The following KCNC3 variants were observed in gnomAD, a reference collection of about 807,000 sequenced individuals.
KCNC3 encodes the protein potassium voltage-gated channel subfamily C member 3, also known as voltage-gated potassium channel KCNC3.
KCNC3 carries 22 observed loss-of-function variants against 43.9 expected under a neutral mutation model. The observed-to-expected ratio is 0.50, with a 90% CI of 0.36 to 0.72. The LOEUF (loss-of-function observed/expected upper bound fraction) is 0.72. Among genes scored for constraint, KCNC3 ranks in the 30% least tolerant of loss-of-function variants. KCNC3 has a pLI of 0.00. For missense variants in KCNC3, 829 were observed against 1,073.8 expected (o/e 0.77, Z 3.19); for synonymous variants, 492 against 488.0 (o/e 1.01, Z -0.11).
rs746696640 is a variant in KCNC3 at position 50,323,210 on chromosome 19, C to T, written c.1743G>A (p.Pro581=). ...CGTGGTGCGGGTGGGGCGGGGGTGG[C>T]GGGGGTGGGTCAGGCTTGCAGTAGT... ...SPNYCKPDPP[P]PPPPHPHHGS... Residue 581 remains proline, a synonymous_variant, in exon 2 of 5, where the codon CCG becomes CCA. Coordinates refer to ENST00000477616, the MANE Select transcript of KCNC3 (RefSeq NM_004977.3). The T allele has an allele frequency of 3.8e-5, 40 of 1,054,924 alleles. No homozygotes were observed. The highest frequency in any genetic ancestry group is 2.8e-5 in the Non-Finnish European group (20 of 710,400). The allele number at this position is 1,054,924 out of a possible 1,614,324, so 65.3% of individuals were successfully genotyped here. A position where few individuals can be genotyped will look rare whatever the true frequency, so the allele number is the denominator to read the frequency against.
At chr19:50,320,912 A>C in intron 2 of KCNC3, 128 bp from the exon 3 acceptor site, 1 of 798,700 alleles carries the variant, frequency 1.3e-6, no homozygotes, top group South Asian at 1.6e-5. Context: ...CTGGAAGTGG[A>C]GATTCAAGGG....
Position 50,313,910 on chromosome 19 carries a change from C to G in KCNC3, c.*2205G>C, listed in dbSNP as rs2036911089. 6.6e-6 allele frequency: 1 copy of G among 151,906 alleles called. No individual in the cohort carries two copies. The highest frequency in any genetic ancestry group is 6.6e-5 in the Admixed American group (1 of 15,226). 9.4% of individuals were successfully genotyped at this position (151,906 alleles called of 1,614,324 possible). ...GGGTGGTTCAGGGAGCCTCTGTGTG[C>G]AGAGGTTAAGTCGCAGGAGTGTGTG... On this transcript the variant is annotated 3_prime_UTR_variant, in exon 5 of 5. Coordinates refer to ENST00000477616, the MANE Select transcript of KCNC3 (RefSeq NM_004977.3).
Position 50,315,729 on chromosome 19 carries a change from G to C in KCNC3, c.*386C>G, listed in dbSNP as rs1264556140. 1 of 152,410 alleles carries C rather than the reference G, an allele frequency of 6.6e-6. No homozygotes were observed. Among genetic ancestry groups the C allele is most frequent in the Non-Finnish European group, 1.5e-5 (1 of 68,730 alleles). The allele number at this position is 152,410 out of a possible 1,614,324, so 9.4% of individuals were successfully genotyped here. The stretch of plus-strand genomic sequence containing the variant: ...TGGGGGGCGGTGAGGCGGAGGGCTG[G>C]GGAGAGGGACATCTTTAAAGGGTCC... On this transcript the variant is annotated 3_prime_UTR_variant, in exon 5 of 5. Coordinates refer to ENST00000477616, the MANE Select transcript of KCNC3 (RefSeq NM_004977.3).
At chr19:50,330,024 T>A (rs1367001598), upstream of KCNC3, among the ~76,000 whole-genome samples, 1 of 152,140 alleles carries the variant, frequency 6.6e-6, no homozygotes, top group Non-Finnish European at 1.5e-5. Context: ...GCCAGCACTT[T>A]GCGAGGCTGA....
rs1211556051 is a variant in KCNC3, at chr19:50,312,489, G to A, written c.*3626C>T. The A allele has an allele frequency of 6.6e-6, 1 of 152,274 alleles. No homozygotes were observed. The highest frequency in any genetic ancestry group is 1.5e-5 in the Non-Finnish European group (1 of 68,092). The allele number at this position is 152,274 out of a possible 1,614,324, so 9.4% of individuals were successfully genotyped here. On this transcript the variant is annotated 3_prime_UTR_variant, in exon 5 of 5. Transcript: ENST00000477616. The stretch of plus-strand genomic sequence containing the variant: ...CATGCGTGTAGGTGCAGGCACCCTG[G>A]CGGCCGGGGGGAAAAGGGGGAGCCG...
At chr19:50,321,842 T>G (rs1601096683) in intron 2 of KCNC3, among the ~76,000 whole-genome samples, 2 of 143,182 alleles carry the variant, frequency 1.4e-5, no homozygotes, top group African/African-American at 2.6e-5. Flanking sequence ...GATGAGGCAG[T>G]GTTGGGGGGT....
intron 2 of KCNC3, among the ~76,000 whole-genome samples, chr19:50,321,478 A>G (rs1242953512): frequency 1.3e-5 from 2 of 151,746 alleles, no homozygotes; most frequent in East Asian, 3.9e-4. Context: ...AAAAGATAAA[A>G]GATAAAAGAT....
intron 1 of KCNC3, among the ~76,000 whole-genome samples, chr19:50,327,114 T>G (rs2037117098): frequency 1.3e-5 from 2 of 149,644 alleles, no homozygotes; most frequent in South Asian, 2.2e-4. Context: ...TGTGGGGGCT[T>G]TGGATGGGGG....
intron 4 of KCNC3, among the ~76,000 whole-genome samples, chr19:50,317,519 T>G (rs1360956530): frequency 1.3e-5 from 2 of 152,106 alleles, no homozygotes; most frequent in Non-Finnish European, 2.9e-5. Flanking sequence ...ATCACATACC[T>G]TCAGGTGGCT....
chr19:50,331,781 T>C (rs1203134866), upstream of KCNC3, among the ~76,000 whole-genome samples: 1 of 152,084 alleles, frequency 6.6e-6, no homozygotes, highest in Non-Finnish European at 1.5e-5. Flanking sequence ...ATTCCTCCTA[T>C]GTTTCACCTT....
intron 4 of KCNC3, among the ~76,000 whole-genome samples, chr19:50,318,947 T>C (rs992175011): frequency 7.2e-5 from 10 of 138,078 alleles, no homozygotes; most frequent in African/African-American, 2.7e-4. Context: ...TGAGCCGAGA[T>C]TGCACCATTG....
intron 1 of KCNC3, among the ~76,000 whole-genome samples, chr19:50,325,709 T>C (rs897561363): frequency 1.1e-3 from 167 of 151,780 alleles, no homozygotes; most frequent in African/African-American, 3.9e-3. Flanking sequence ...GGCACCGCAG[T>C]GGGGGCGGGC....
At position 50,323,659 on chromosome 19, in the gene KCNC3, C is replaced by T. The variant is rs766890044; in HGVS notation, c.1294G>A (p.Val432Met). ...LRIFKLTRHFVGLRVLGHTLR... is the reference protein window; with the variant it reads ...LRIFKLTRHFMGLRVLGHTLR... ...GTGTGTCCCAGCACGCGCAGCCCCA[C>T]GAAGTGCCGGGTCAGCTTGAAGATG... is the stretch of plus-strand genomic sequence containing the variant. The change falls in exon 2 of 5, where the codon GTG (valine) becomes ATG (methionine). Residue 432 changes from valine to methionine, a missense_variant. Physicochemically the swap from Val to Met is conservative, Grantham distance 21. This residue lies in a region of KCNC3 where 157 missense variants were observed against 293.5 expected (regional missense o/e 0.53). Coordinates refer to ENST00000477616, the MANE Select transcript of KCNC3 (RefSeq NM_004977.3). 3.4e-5 allele frequency: 55 copies of T among 1,614,054 alleles called. No homozygotes were observed. Among genetic ancestry groups the T allele is most frequent in the Non-Finnish European group, 4.4e-5 (52 of 1,180,048 alleles).
In KCNC3 at chr19:50,324,124, G is replaced by C. The variant is rs765278998; in HGVS notation, c.871-42C>G. Reference sequence around the variant, plus strand: ...GAGAGAGAGGGGGAGAGGTGACCTAGGCATCAGGTTGGCCATAACATCCAG... The same window carrying C: ...GAGAGAGAGGGGGAGAGGTGACCTACGCATCAGGTTGGCCATAACATCCAG... On this transcript the variant is annotated intron_variant, in intron 1 of 4. Transcript: ENST00000477616. The surrounding 1 kb of genome is among the most constrained non-coding windows in gnomAD (Gnocchi z 4.1). The C allele has an allele frequency of 6.5e-7, 1 of 1,543,874 alleles. No individual in the cohort carries two copies. The highest frequency in any genetic ancestry group is 1.9e-5 in the Admixed American group (1 of 52,306).
At position 50,328,470 on chromosome 19, in the gene KCNC3, G is replaced by A. The variant is rs781586317; in HGVS notation, c.613C>T (p.Pro205Ser). 2 of 1,602,418 alleles carry A rather than the reference G, an allele frequency of 1.2e-6. No homozygotes were observed. Among genetic ancestry groups the A allele is most frequent in the South Asian group, 2.2e-5 (2 of 90,156 alleles). Residue 205 changes from proline to serine, a missense_variant, in exon 1 of 5, where the codon CCC becomes TCC. This residue lies in a region of KCNC3 where 121 missense variants were observed against 247.4 expected (regional missense o/e 0.49). Coordinates refer to ENST00000477616, the MANE Select transcript of KCNC3 (RefSeq NM_004977.3). ...GCGTTGGCGGCGCCCGCGGGGTCGG[G>A]CGCCTCGAAGGAGTCGAGCGCCTCC... ...AEEALDSFEA[P>S]DPAGAANAAN...
intron 2 of KCNC3, among the ~76,000 whole-genome samples, chr19:50,322,253 ACT>A (rs1033302913): frequency 6.6e-6 from 1 of 151,976 alleles, no homozygotes; most frequent in African/African-American, 2.4e-5. Flanking sequence ...AGCACAGGTA[ACT>A]TTCTTCTCCC....
upstream of KCNC3, among the ~76,000 whole-genome samples, chr19:50,332,702 A>T (rs2037201376): frequency 6.6e-6 from 1 of 152,136 alleles, no homozygotes; most frequent in South Asian, 2.1e-4. This position sits in a 1 kb window ranked among gnomAD's most constrained non-coding sequence, Gnocchi z 5.8. Flanking sequence ...TAGGGACACC[A>T]GGAGGGGAGA....
In KCNC3 at chr19:50,316,984, G is replaced by A. The variant is rs531837544; in HGVS notation, c.*24-893C>T. On this transcript the variant is annotated intron_variant, in intron 4 of 4. Coordinates refer to ENST00000477616, the MANE Select transcript of KCNC3 (RefSeq NM_004977.3). ...CAATGAATGGATTTTGGCATCATAG[G>A]CAAGAGAAGCAGGGACCTCCCCCAC... 1.3e-4 allele frequency among the ~76,000 whole-genome samples: 20 copies of A among 152,004 alleles called. No individual in the cohort carries two copies. In the South Asian group the frequency reaches 3.7e-3, roughly 28 times the overall value.
At position 50,328,280 on chromosome 19, in the gene KCNC3, C is replaced by A; in HGVS notation, c.803G>T (p.Trp268Leu). The A allele has an allele frequency of 8.4e-7, 1 of 1,183,820 alleles. No individual in the cohort carries two copies. The highest frequency in any genetic ancestry group is 1.0e-6 in the Non-Finnish European group (1 of 959,984). 73.3% of individuals were successfully genotyped at this position (1,183,820 alleles called of 1,614,324 possible). A position where few individuals can be genotyped will look rare whatever the true frequency, so the allele number is the denominator to read the frequency against. The change falls in exon 1 of 5, where the codon TGG (tryptophan) becomes TTG (leucine). Residue 268 changes from tryptophan to leucine, a missense_variant. Trp to Leu is a moderately conservative substitution (Grantham distance 61). Transcript: ENST00000477616. ...PGGAGGAGGT[W>L]WRRWQPRVWA... The stretch of plus-strand genomic sequence containing the variant: ...CACGCGGGGCTGCCAGCGGCGCCAC[C>A]ATGTGCCGCCCGCGCCGCCCGCGCC...
Sources: gnomAD v4.1 joint callset for allele counts (sites outside exome capture counted in the v4.1 genomes callset) on GRCh38, gnomAD v4.1.1 for gene constraint, gnomAD v4.1.1 regional missense constraint, Gnocchi (gnomAD v3.1) non-coding constraint, MANE v1.5 for transcripts, NCBI Gene and HGNC (gene_info 2026-07-23, HGNC 2026-07-21) for gene names.